Variants in ZNF516 observed in about 807,000 individuals in gnomAD.
ZNF516 encodes zinc finger protein 516.
A neutral mutation model predicts 79.7 loss-of-function variants in ZNF516; 19 were observed. The ratio of observed to expected loss-of-function variants is 0.24; its 90% CI spans 0.17 to 0.35. ZNF516 has a LOEUF of 0.35. ZNF516 is among the 10% of genes least tolerant of loss of function. The probability of loss-of-function intolerance (pLI) is 1.00; values close to 1 mark genes in which losing one functional copy is unlikely to be tolerated. For missense variants in ZNF516, 1,678 were observed against 1,679.5 expected, an observed-to-expected ratio of 1.00 and a Z score of 0.02; for synonymous variants, 877 against 739.5, an observed-to-expected ratio of 1.19 and a Z score of -3.02.
At chr18:76,440,025 C>T (rs1599092110) in intron 3 of ZNF516, among the ~76,000 whole-genome samples, 1 of 152,220 alleles carries the variant, frequency 6.6e-6, no homozygotes, top group Non-Finnish European at 1.5e-5. Context: ...GCTCCTCCCA[C>T]GGGGACCAAT....
rs558778525 is a variant in ZNF516 at position 76,398,603 on chromosome 18, G to C, written c.1811-18300C>G. The stretch of plus-strand genomic sequence containing the variant: ...CAGGAAAGCCAGGCCCATAACACTA[G>C]TTATGAAGGAATGGGGGCCTTTCTG... On this transcript the variant is annotated intron_variant, in intron 3 of 6. Transcript: ENST00000443185. Among the ~76,000 whole-genome samples, 191 of 152,148 alleles carry C rather than the reference G, an allele frequency of 1.3e-3. 4 individuals are homozygous for C. The highest frequency in any genetic ancestry group is 3.5e-4 in the Non-Finnish European group (24 of 67,968).
intron 1 of ZNF516, among the ~76,000 whole-genome samples, chr18:76,480,996 G>C (rs1914492364): frequency 1.3e-5 from 2 of 152,186 alleles, no homozygotes; most frequent in Non-Finnish European, 2.9e-5. Flanking sequence ...ATACTATCTG[G>C]TCCTTTAGGG....
chr18:76,473,520 G>A (rs1913977091), intron 1 of ZNF516, among the ~76,000 whole-genome samples: 1 of 152,152 alleles, frequency 6.6e-6, no homozygotes, highest in East Asian at 1.9e-4. Flanking sequence ...AAAAGTAGTT[G>A]GCTGGGTGCG....
intron 3 of ZNF516, among the ~76,000 whole-genome samples, chr18:76,440,174 G>A (rs143176717): frequency 6.6e-6 from 1 of 151,694 alleles, no homozygotes; most frequent in Non-Finnish European, 1.5e-5. Context: ...GACTCAATAT[G>A]CATTTCAGTG....
chr18:76,491,110 C>T (rs2145836539), intron 1 of ZNF516: 1 of 982,856 alleles, frequency 1.0e-6, no homozygotes, highest in East Asian at 1.1e-4. Context: ...TTTCCCACCG[C>T]CCCACCTCCG....
intron 3 of ZNF516, among the ~76,000 whole-genome samples, chr18:76,400,563 T>C (rs947587119): frequency 3.3e-5 from 5 of 152,220 alleles, no homozygotes; most frequent in Non-Finnish European, 1.5e-5. Context: ...CCGTACTTGG[T>C]TGAGTGTGGA....
intron 3 of ZNF516, among the ~76,000 whole-genome samples, chr18:76,414,566 C>T (rs1568272137): frequency 6.6e-6 from 1 of 152,202 alleles, no homozygotes; most frequent in African/African-American, 2.4e-5. Flanking sequence ...ATACTACTGT[C>T]GATCAAAATT....
chr18:76,436,260 C>T (rs1366747845), intron 3 of ZNF516, among the ~76,000 whole-genome samples: 2 of 152,302 alleles, frequency 1.3e-5, no homozygotes, highest in African/African-American at 4.8e-5. Context: ...AGCTCCAGGC[C>T]ATGGAGTGGC....
At chr18:76,381,325 G>A (rs1459674747) in intron 3 of ZNF516, among the ~76,000 whole-genome samples, 1 of 152,182 alleles carries the variant, frequency 6.6e-6, no homozygotes, top group Non-Finnish European at 1.5e-5. Flanking sequence ...AACAGGGCAG[G>A]AGTACAGATG....
At chr18:76,483,457 C>T (rs1468998202) in intron 1 of ZNF516, among the ~76,000 whole-genome samples, 1 of 152,216 alleles carries the variant, frequency 6.6e-6, no homozygotes, top group Non-Finnish European at 1.5e-5. Context: ...GAAGCTCCCT[C>T]TCGGCATCTG....
intron 1 of ZNF516, among the ~76,000 whole-genome samples, chr18:76,491,994 G>T (rs370859439): frequency 1.3e-5 from 2 of 152,178 alleles, no homozygotes; most frequent in African/African-American, 2.4e-5. Context: ...GATTTCTGCA[G>T]AAGAGGAGGA....
chr18:76,400,908 T>C (rs1403022085), intron 3 of ZNF516, among the ~76,000 whole-genome samples: 1 of 152,218 alleles, frequency 6.6e-6, no homozygotes, highest in African/African-American at 2.4e-5. Context: ...GCTTCCTTAA[T>C]CACACTGTAA....
At chr18:76,418,529 G>T (rs973563201) in intron 3 of ZNF516, among the ~76,000 whole-genome samples, 2 of 151,098 alleles carry the variant, frequency 1.3e-5, no homozygotes, top group Non-Finnish European at 2.9e-5. Flanking sequence ...ACTATAACAC[G>T]CACTGTAACA....
chr18:76,464,398 A>T (rs1913319580), intron 1 of ZNF516, among the ~76,000 whole-genome samples: 1 of 152,208 alleles, frequency 6.6e-6, no homozygotes, highest in South Asian at 2.1e-4. Context: ...ACTCACACAT[A>T]GCTTGGCATG....
Position 76,360,029 on chromosome 18 carries a change from G to A in ZNF516, c.*2469C>T, listed in dbSNP as rs1189632239. On this transcript the variant is annotated 3_prime_UTR_variant, in exon 7 of 7. Transcript: ENST00000443185. ...GGGGCTCCCCAGTCTGTTTAACTGG[G>A]TGAAAACCTTCCTCCTGCACTCTGT... The A allele has an allele frequency of 1.3e-5, 2 of 152,250 alleles. No homozygotes were observed. The highest frequency in any genetic ancestry group is 2.9e-5 in the Non-Finnish European group (2 of 68,092). The allele number at this position is 152,250 out of a possible 1,614,324, so 9.4% of individuals were successfully genotyped here. A position where few individuals can be genotyped will look rare whatever the true frequency, so the allele number is the denominator to read the frequency against.
chr18:76,385,484 T>C (rs1433058518), intron 3 of ZNF516, among the ~76,000 whole-genome samples: 2 of 152,246 alleles, frequency 1.3e-5, no homozygotes, highest in South Asian at 2.1e-4. Flanking sequence ...TAGTAAAATA[T>C]ACATAACAAA....
chr18:76,362,620 A>G, intron 6 of ZNF516, 63 bp from the exon 7 acceptor site: 1 of 1,482,594 alleles, frequency 6.7e-7, no homozygotes, highest in South Asian at 1.2e-5. Flanking sequence ...TTCTAAATGC[A>G]TTTTTCCTAT....
rs757433200 is a variant in ZNF516 at position 76,442,809 on chromosome 18, C to G, written c.246G>C (p.Arg82=). ...GAATCAGAGTCCCCGTGCGGTGGCT[C>G]CGGATGTGAATCTTCAGGTTGCCCT... ...SQKGNLKIHI[R]SHRTGTLIQG... Residue 82 remains arginine (R), a synonymous_variant, in exon 3 of 7, where the codon CGG becomes CGC. Transcript: ENST00000443185. The G allele has an allele frequency of 9.9e-6, 16 of 1,611,122 alleles. No individual in the cohort carries two copies. Among genetic ancestry groups the G allele is most frequent in the Non-Finnish European group, 1.4e-5 (16 of 1,178,646 alleles).
intron 3 of ZNF516, among the ~76,000 whole-genome samples, chr18:76,414,515 AAG>A (rs1433034380): frequency 6.6e-6 from 1 of 152,244 alleles, no homozygotes; most frequent in Non-Finnish European, 1.5e-5. Flanking sequence ...GGTGATTTTC[AAG>A]AGTTACACAG....
Sources: allele counts gnomAD v4.1 joint callset (sites outside exome capture counted in the v4.1 genomes callset), GRCh38; gene constraint gnomAD v4.1.1; transcripts MANE v1.5; gene names NCBI Gene and HGNC (gene_info 2026-07-23, HGNC 2026-07-21).